The following ANK2 variants were observed in gnomAD, a reference collection of about 807,000 sequenced individuals.
ANK2 encodes ankyrin-2.
Under a neutral mutation model 360.5 loss-of-function variants are expected in ANK2, and 83 were observed. The observed-to-expected ratio is 0.23, with a 90% confidence interval of 0.19 to 0.28. ANK2 has a LOEUF of 0.28. ANK2 is among the 10% of genes least tolerant of loss of function. The pLI is 1.00. For synonymous variants in ANK2, 1,740 were observed against 1,759.5 expected, an observed-to-expected ratio of 0.99 and a Z score of 0.28; for missense variants, 4,201 against 4,795.7, an observed-to-expected ratio of 0.88 and a Z score of 3.66.
At chr4:112,854,324 G>A (rs1427762436) in intron 1 of ANK2, among the ~76,000 whole-genome samples, 1 of 152,186 alleles carries the variant, frequency 6.6e-6, no homozygotes, top group Non-Finnish European at 1.5e-5. Context: ...ACCAAAAATT[G>A]ACGAAACAAT....
chr4:113,309,772 G>A (rs7680114), intron 23 of ANK2, among the ~76,000 whole-genome samples: 28,214 of 151,858 alleles, frequency 0.19, 3,054 homozygotes, highest in African/African-American at 0.3. Context: ...CTCCTGCCTC[G>A]GCCTCCCAAA....
chr4:113,150,441 C>G (rs1253426548), intron 1 of ANK2, among the ~76,000 whole-genome samples: 6 of 152,254 alleles, frequency 3.9e-5, no homozygotes, highest in Admixed American at 2.0e-4. Flanking sequence ...AAGGTGGAGC[C>G]TGAAGCAGAT....
Position 113,249,650 on chromosome 4 carries a change from T to C in ANK2, c.892-114T>C. On this transcript the variant is annotated intron_variant, in intron 9 of 45. Coordinates refer to ENST00000357077, the MANE Select transcript of ANK2 (RefSeq NM_001148.6). ...TTTAACAAATTGCAGTTCTATTACT[T>C]ATTTATTGAGTAATCAGGATTGAGT... 4.2e-6 allele frequency: 4 copies of C among 949,906 alleles called. No homozygotes were observed. In the South Asian group the frequency reaches 5.6e-5, roughly 13 times the overall value. The allele number at this position is 949,906 out of a possible 1,614,324, so 58.8% of individuals were successfully genotyped here. A position where few individuals can be genotyped will look rare whatever the true frequency, so the allele number is the denominator to read the frequency against.
chr4:113,336,482 C>A, intron 30 of ANK2, 95 bp from the exon 31 acceptor site: 1 of 1,198,856 alleles, frequency 8.3e-7, no homozygotes, highest in Non-Finnish European at 1.2e-6. Flanking sequence ...ATAAAAAATA[C>A]TTTGGGGAAG....
At chr4:113,088,090 A>G (rs950794438) in intron 1 of ANK2, among the ~76,000 whole-genome samples, 3 of 152,214 alleles carry the variant, frequency 2.0e-5, no homozygotes, top group African/African-American at 4.8e-5. Flanking sequence ...ATCATAATCA[A>G]TCCATAAGTG....
intron 1 of ANK2, among the ~76,000 whole-genome samples, chr4:112,858,881 G>C (rs1436983560): frequency 6.6e-6 from 1 of 152,104 alleles, no homozygotes; most frequent in East Asian, 1.9e-4. Context: ...ATTGGTTAAT[G>C]TCCTGGGGAC....
chr4:113,245,396 C>T (rs1001268254), intron 9 of ANK2, among the ~76,000 whole-genome samples: 4 of 152,026 alleles, frequency 2.6e-5, no homozygotes, highest in Non-Finnish European at 4.4e-5. Flanking sequence ...AAGAACTGCC[C>T]GAGATTGGGT....
intron 1 of ANK2, among the ~76,000 whole-genome samples, chr4:113,172,956 G>A (rs529173847): frequency 4.6e-5 from 7 of 152,300 alleles, no homozygotes; most frequent in African/African-American, 1.7e-4. Context: ...AGTCGCTGCA[G>A]CATTGCAGAT....
the ANK2 span, among the ~76,000 whole-genome samples, chr4:112,751,040 A>C: frequency 1.3e-5 from 2 of 152,122 alleles, no homozygotes; most frequent in Non-Finnish European, 2.9e-5. Flanking sequence ...AAGATTTAAC[A>C]AGGTACAGAA....
upstream of ANK2, among the ~76,000 whole-genome samples, chr4:113,048,248 G>GTA (rs869196489): frequency 0.025 from 911 of 36,146 alleles, 8 homozygotes; most frequent in African/African-American, 0.028. Context: ...CTACAAGTGT[G>GTA]TATATATATA....
intron 1 of ANK2, chr4:112,826,658 TACAC>T: frequency 1.0e-6 from 1 of 995,754 alleles, no homozygotes; most frequent in Non-Finnish European, 1.5e-6. Context: ...TGACCACACT[TACAC>T]ATTCCTCAGC....
chr4:112,743,498 A>ATTCCTTCC, the ANK2 span, among the ~76,000 whole-genome samples: 15 of 134,638 alleles, frequency 1.1e-4, no homozygotes, highest in African/African-American at 3.8e-4. Context: ...TCTCTCCTTC[A>ATTCCTTCC]TTCCTTCCTT....
At chr4:112,784,681 C>T in the ANK2 span, among the ~76,000 whole-genome samples, 1 of 152,108 alleles carries the variant, frequency 6.6e-6, no homozygotes, top group Non-Finnish European at 1.5e-5. Flanking sequence ...GCAATCTGCC[C>T]ACCTTAGCCT....
chr4:112,964,065 T>C (rs958989644), intron 2 of ANK2, among the ~76,000 whole-genome samples: 2 of 150,480 alleles, frequency 1.3e-5, no homozygotes, highest in African/African-American at 4.9e-5. Context: ...TTCCAGATGA[T>C]ATTTCCTTTT....
chr4:113,231,813 G>A (rs563615860), intron 4 of ANK2, among the ~76,000 whole-genome samples: 103 of 152,000 alleles, frequency 6.8e-4, no homozygotes, highest in Non-Finnish European at 1.5e-4. Flanking sequence ...CATTGTCCAG[G>A]CAGGTCTCGA....
chr4:113,374,678 G>A, intron 45 of ANK2: 3 of 884,764 alleles, frequency 3.4e-6, no homozygotes, highest in Non-Finnish European at 4.1e-6. Context: ...TTATAGTTTT[G>A]TCCTTTGTTT....
At chr4:113,324,101 A>G (rs142297271) in intron 26 of ANK2, among the ~76,000 whole-genome samples, 168 of 152,320 alleles carry the variant, frequency 1.1e-3, no homozygotes, top group Non-Finnish European at 1.3e-3. Context: ...AGTGCTACAT[A>G]GAGATGAAAA....
intron 17 of ANK2, among the ~76,000 whole-genome samples, chr4:113,281,958 G>A (rs1437859523): frequency 6.6e-6 from 1 of 152,148 alleles, no homozygotes; most frequent in Admixed American, 6.5e-5. Flanking sequence ...AAATTAGAAT[G>A]CAACCCATTA....
At chr4:112,960,585 A>G (rs1347339669) in intron 2 of ANK2, among the ~76,000 whole-genome samples, 1 of 152,184 alleles carries the variant, frequency 6.6e-6, no homozygotes, top group African/African-American at 2.4e-5. Context: ...CAGGCACATC[A>G]CAATGTCCCA....
Sources: gnomAD v4.1 joint callset for allele counts (sites outside exome capture counted in the v4.1 genomes callset) on GRCh38, gnomAD v4.1.1 for gene constraint, MANE v1.5 for transcripts, NCBI Gene and HGNC (gene_info 2026-07-23, HGNC 2026-07-21) for gene names.